The following DDHD2 variants were observed in gnomAD, a reference collection of about 807,000 sequenced individuals.
The protein encoded by DDHD2 is DDHD domain containing 2, also known as triacylglycerol hydrolase DDHD2.
In DDHD2, 62 loss-of-function variants were observed where a neutral mutation model predicts 91.2. The observed-to-expected ratio is 0.68, with a 90% CI of 0.55 to 0.84. DDHD2 has a LOEUF of 0.84. Ranked by LOEUF, DDHD2 falls within the 40% of genes least tolerant of loss-of-function variation. DDHD2 has a pLI of 0.00. For synonymous variants in DDHD2, 271 were observed against 293.9 expected (o/e 0.92, Z 0.80); for missense variants, 740 against 846.9 (o/e 0.87, Z 1.57).
chr8:38,261,457 G>A lies in DDHD2; in HGVS notation c.*884G>A, dbSNP rs977643039. On this transcript the variant is annotated 3_prime_UTR_variant, in exon 18 of 18. Transcript: ENST00000397166. ...GTTCTAAATAAAACCTTTTAGTGGT[G>A]CCTTTATGGTGAAACAGAATTTGTC... is the stretch of plus-strand genomic sequence containing the variant. 17 of 152,156 alleles carry A rather than the reference G, an allele frequency of 1.1e-4. No homozygotes were observed. The highest frequency in any genetic ancestry group is 3.4e-4 in the African/African-American group (14 of 41,430). 9.4% of individuals were successfully genotyped at this position (152,156 alleles called of 1,614,324 possible).
At chr8:38,260,003 T>TA (rs755172713) in intron 16 of DDHD2, 37 bp from the exon 17 acceptor site, 15 of 1,309,082 alleles carry the variant, frequency 1.1e-5, no homozygotes, top group Non-Finnish European at 1.7e-5. Flanking sequence ...GCACAAGTGT[T>TA]AGTTCCTTTT....
chr8:38,253,253 T>C (rs190140631), intron 15 of DDHD2, 126 bp downstream of exon 15: 6 of 1,107,692 alleles, frequency 5.4e-6, no homozygotes, highest in Non-Finnish European at 2.5e-6. Context: ...TCTTTTGCTT[T>C]AGTTTTCAAC....
At position 38,240,435 on chromosome 8, in the gene DDHD2, G is replaced by T. The variant is rs184627275; in HGVS notation, c.712+71G>T. The T allele has an allele frequency of 2.7e-4, 305 of 1,144,544 alleles. 2 individuals are homozygous for T. The African/African-American group carries it at 3.5e-3, about 13-fold the overall frequency. The allele number at this position is 1,144,544 out of a possible 1,614,324, so 70.9% of individuals were successfully genotyped here. A position where few individuals can be genotyped will look rare whatever the true frequency, so the allele number is the denominator to read the frequency against. On this transcript the variant is annotated intron_variant, in intron 6 of 17. Coordinates refer to ENST00000397166, the MANE Select transcript of DDHD2 (RefSeq NM_015214.3). ...GAGCTGAGATAAAGCCTTGTCTTTG[G>T]TCTATTGTCTTAGCTGCATAAGAAG...
At position 38,242,343 on chromosome 8, in the gene DDHD2, C is replaced by T. The variant is rs1805322076; in HGVS notation, c.806C>T (p.Pro269Leu). ...NQQIGRVEFL[P>L]VNWHSPLHST... ...CAGATTGGGAGGGTAGAATTTCTTC[C>T]AGTCAACTGGCACAGTCCTTTGCAT... The change falls in exon 7 of 18, where the codon CCA becomes CTA. Residue 269 changes from proline to leucine, a missense_variant. Physicochemically the swap from Pro to Leu is moderately conservative, Grantham distance 98. Coordinates refer to ENST00000397166, the MANE Select transcript of DDHD2 (RefSeq NM_015214.3). 1 of 1,610,988 alleles carries T rather than the reference C, an allele frequency of 6.2e-7. No individual in the cohort carries two copies. Among genetic ancestry groups the T allele is most frequent in the Non-Finnish European group, 8.5e-7 (1 of 1,179,050 alleles).
chr8:38,270,064 C>CT (rs1808389939), intron 1 of DDHD2: 2 of 152,296 alleles, frequency 1.3e-5, no homozygotes, highest in South Asian at 4.1e-4. Context: ...ATCTTGAAGT[C>CT]TATGTGGCAA....
At chr8:38,249,269 C>T (rs1805914838) in intron 10 of DDHD2, among the ~76,000 whole-genome samples, 1 of 151,770 alleles carries the variant, frequency 6.6e-6, no homozygotes, top group Non-Finnish European at 1.5e-5. Flanking sequence ...ACTGCCACTG[C>T]GCCTGGCTAA....
downstream of DDHD2, chr8:38,267,307 C>T: frequency 1.2e-6 from 2 of 1,614,040 alleles, no homozygotes; most frequent in Non-Finnish European, 8.5e-7. Flanking sequence ...GGCCCTCATT[C>T]ACCACGTCCT....
rs553960142 is a variant in DDHD2 at position 38,238,323 on chromosome 8, A to C, written c.622+114A>C. 5.3e-6 allele frequency: 8 copies of C among 1,500,954 alleles called. 1 individual carries two copies. The African/African-American group carries it at 5.6e-5, about 11-fold the overall frequency. The allele number at this position is 1,500,954 out of a possible 1,614,324, so 93.0% of individuals were successfully genotyped here. ...CAAGGCTTAAAAATCATCTTTAATCATATGGGTTTATTCCAAGTTGAGATT... is the reference window on the plus strand; with the variant it reads ...CAAGGCTTAAAAATCATCTTTAATCCTATGGGTTTATTCCAAGTTGAGATT... On this transcript the variant is annotated intron_variant, in intron 5 of 17. Coordinates refer to ENST00000397166, the MANE Select transcript of DDHD2 (RefSeq NM_015214.3).
At chr8:38,250,987 A>C (rs1806064470) in intron 11 of DDHD2, 1 of 152,160 alleles carries the variant, frequency 6.6e-6, no homozygotes, top group Non-Finnish European at 1.5e-5. Flanking sequence ...TACCTGTGTT[A>C]ACAGTACTTC....
At chr8:38,255,611 GTAAAT>G (rs1806454915) in intron 16 of DDHD2, among the ~76,000 whole-genome samples, 1 of 151,760 alleles carries the variant, frequency 6.6e-6, no homozygotes, top group South Asian at 2.1e-4. Context: ...AACATAAATA[GTAAAT>G]TAAAGGCAAT....
At chr8:38,243,537 G>A (rs1805398974) in intron 7 of DDHD2, among the ~76,000 whole-genome samples, 1 of 152,100 alleles carries the variant, frequency 6.6e-6, no homozygotes. Flanking sequence ...GCCCTAACAA[G>A]CCTCAACACA....
intron 2 of DDHD2, among the ~76,000 whole-genome samples, chr8:38,234,060 G>C (rs757883391): frequency 6.6e-6 from 1 of 152,082 alleles, no homozygotes; most frequent in African/African-American, 2.4e-5. Flanking sequence ...GAATCATCAT[G>C]ATGGTTATTA....
intron 10 of DDHD2, among the ~76,000 whole-genome samples, chr8:38,249,453 CTG>C (rs1427539065): frequency 3.5e-5 from 5 of 143,716 alleles, no homozygotes; most frequent in Admixed American, 3.5e-4. Flanking sequence ...CCCAACTTCT[CTG>C]TTTTTTTTTT....
chr8:38,266,817 A>T (rs1015500227), downstream of DDHD2, among the ~76,000 whole-genome samples: 3 of 152,224 alleles, frequency 2.0e-5, no homozygotes, highest in African/African-American at 7.2e-5. Context: ...TTATCTGAGT[A>T]TAGTTTTCGG....
chr8:38,259,410 G>A (rs565415427), intron 16 of DDHD2, among the ~76,000 whole-genome samples: 2 of 148,880 alleles, frequency 1.3e-5, no homozygotes, highest in South Asian at 2.1e-4. Flanking sequence ...TTTTTTAGAC[G>A]GAGTCTCGCC....
chr8:38,265,067 G>A, downstream of DDHD2: 1 of 715,060 alleles, frequency 1.4e-6, no homozygotes, highest in Non-Finnish European at 2.5e-6. Context: ...AGGAGATTGA[G>A]ACCAGCCTGA....
At position 38,238,115 on chromosome 8, in the gene DDHD2, A is replaced by T; in HGVS notation, c.528A>T (p.Ala176=). Reference sequence around the variant, plus strand: ...TTATGGTGCATTACCAGCCAGTTGCAGGGTCTGATGATTGGGGTTCAACAC... The same window carrying T: ...TTATGGTGCATTACCAGCCAGTTGCTGGGTCTGATGATTGGGGTTCAACAC... ...PKLMVHYQPV[A]GSDDWGSTPT... The change falls in exon 5 of 18, where the codon GCA becomes GCT. Residue 176 remains alanine, a synonymous_variant. Coordinates refer to ENST00000397166, the MANE Select transcript of DDHD2 (RefSeq NM_015214.3). The T allele has an allele frequency of 6.2e-7, 1 of 1,611,342 alleles. No individual in the cohort carries two copies. Among genetic ancestry groups the T allele is most frequent in the Non-Finnish European group, 8.5e-7 (1 of 1,179,284 alleles).
chr8:38,252,146 C>T lies in DDHD2; in HGVS notation c.1476C>T (p.Tyr492=), dbSNP rs755434256. The part of the protein sequence containing the change: ...DVGIGQVSVK[Y]PRLIYKPEIF... ...CCTCCTTTGAGGTGTCTGTGAAATA[C>T]CCCCGGCTCATCTATAAACCAGAGA... The change falls in exon 13 of 18, where the codon TAC becomes TAT. Residue 492 remains tyrosine (Y), a synonymous_variant. Transcript: ENST00000397166. 38 of 1,613,768 alleles carry T rather than the reference C, an allele frequency of 2.4e-5. No individual in the cohort carries two copies. The East Asian group carries it at 7.4e-4, about 31-fold the overall frequency.
downstream of DDHD2, chr8:38,265,002 C>T (rs1441809654): frequency 4.8e-6 from 6 of 1,259,890 alleles, no homozygotes; most frequent in Non-Finnish European, 7.0e-6. Flanking sequence ...GGCACGGTGA[C>T]TCACGCCTGT....
Sources: allele counts gnomAD v4.1 joint callset (sites outside exome capture counted in the v4.1 genomes callset), GRCh38; gene constraint gnomAD v4.1.1; transcripts MANE v1.5; gene names NCBI Gene and HGNC (gene_info 2026-07-23, HGNC 2026-07-21).